TLE2: variants seen among roughly 807,000 people sequenced by gnomAD.
The protein encoded by TLE2 is transducin-like enhancer protein 2.
A neutral mutation model predicts 97.2 loss-of-function variants in TLE2; 74 were observed. The ratio of observed to expected loss-of-function variants is 0.76; its 90% CI spans 0.63 to 0.92. TLE2 has a LOEUF of 0.92. TLE2 is among the 40% of genes least tolerant of loss of function. The pLI, the probability that TLE2 is intolerant of heterozygous loss-of-function variation, is 0.00. For missense variants in TLE2, 1,038 were observed against 1,008.7 expected, an observed-to-expected ratio of 1.03 and a Z score of -0.39; for synonymous variants, 499 against 432.1, an observed-to-expected ratio of 1.15 and a Z score of -1.92.
intron 1 of TLE2, among the ~76,000 whole-genome samples, chr19:3,037,578 G>A (rs2090071729): frequency 6.6e-6 from 1 of 152,162 alleles, no homozygotes; most frequent in African/African-American, 2.4e-5. Context: ...ACTTTCGCAT[G>A]GGTCCTGAAG....
chr19:3,042,359 G>A (rs1431631090), intron 1 of TLE2, among the ~76,000 whole-genome samples: 2 of 129,264 alleles, frequency 1.5e-5, no homozygotes, highest in Admixed American at 1.5e-4. Flanking sequence ...GGGCGGAGGA[G>A]GGACGGGCTT....
intron 5 of TLE2, among the ~76,000 whole-genome samples, chr19:3,024,312 C>T (rs1599238968): frequency 6.6e-6 from 1 of 152,008 alleles, no homozygotes; most frequent in East Asian, 1.9e-4. Flanking sequence ...GGCCGAATTA[C>T]AGTCCATTTT....
chr19:3,029,562 G>GGT (rs1555694592), upstream of TLE2: 4 of 816,150 alleles, frequency 4.9e-6, no homozygotes, highest in Admixed American at 6.3e-5. Context: ...TGGGAGCGGG[G>GGT]GGGGGGGCTT....
rs975393809 is a variant in TLE2 at position 3,019,920 on chromosome 19, C to T, written c.295-147G>A. 9.1e-7 allele frequency: 1 copy of T among 1,103,960 alleles called. No homozygotes were observed. Among genetic ancestry groups the T allele is most frequent in the Non-Finnish European group, 1.3e-6 (1 of 790,522 alleles). The allele number at this position is 1,103,960 out of a possible 1,614,324, so 68.4% of individuals were successfully genotyped here. A position where few individuals can be genotyped will look rare whatever the true frequency, so the allele number is the denominator to read the frequency against. ...CTTTTATCTTTTTCCCTCTCACTCT[C>T]TCCCTTTCCTTTTGGAATTTTGAAA... is the stretch of plus-strand genomic sequence containing the variant. On this transcript the variant is annotated intron_variant, in intron 5 of 19. Coordinates refer to ENST00000262953, the MANE Select transcript of TLE2 (RefSeq NM_003260.5). This position sits in a 1 kb window ranked among gnomAD's most constrained non-coding sequence, Gnocchi z 5.1.
At chr19:3,017,954 G>GC in intron 7 of TLE2, 95 bp from the exon 8 acceptor site, 4 of 1,167,102 alleles carry the variant, frequency 3.4e-6, no homozygotes, top group Non-Finnish European at 4.9e-6. Context: ...AGTTTATAAA[G>GC]CCCCCCGCCC....
At chr19:3,022,610 C>A (rs2089866712) in intron 5 of TLE2, among the ~76,000 whole-genome samples, 1 of 151,978 alleles carries the variant, frequency 6.6e-6, no homozygotes, top group African/African-American at 2.4e-5. Flanking sequence ...AATGATCACA[C>A]GGGGCTGGTG....
At chr19:2,998,248 TG>T (rs1381875488) in intron 19 of TLE2, among the ~76,000 whole-genome samples, 21 of 110,046 alleles carry the variant, frequency 1.9e-4, no homozygotes, top group African/African-American at 1.3e-3. Flanking sequence ...TGTGTGTGTG[TG>T]TGTGTGTGTG....
intron 11 of TLE2, among the ~76,000 whole-genome samples, chr19:3,012,259 G>A (rs1271063304): frequency 7.5e-6 from 1 of 133,184 alleles, no homozygotes; most frequent in Non-Finnish European, 1.6e-5. Flanking sequence ...TCTCCAAAAC[G>A]AAAAACAAAC....
At chr19:3,012,528 T>C (rs10423211) in intron 11 of TLE2, among the ~76,000 whole-genome samples, 36,749 of 152,094 alleles carry the variant, frequency 0.24, 4,577 homozygotes, top group African/African-American at 0.27. Flanking sequence ...CTGTTGAGAT[T>C]CTTGAACAAC....
upstream of TLE2, among the ~76,000 whole-genome samples, chr19:3,033,981 G>A (rs113834616): frequency 2.0e-5 from 3 of 151,978 alleles, no homozygotes; most frequent in East Asian, 1.9e-4. Flanking sequence ...TTCAGTGACC[G>A]CCTCGTGAGG....
At chr19:3,000,823 C>CTT in intron 18 of TLE2, 100 bp from the exon 19 acceptor site, 4 of 651,012 alleles carry the variant, frequency 6.1e-6, no homozygotes, top group African/African-American at 5.9e-5. Context: ...CTGGCCTCTC[C>CTT]CTTTTTTTTT....
intron 18 of TLE2, 100 bp from the exon 19 acceptor site, chr19:3,000,823 C>T: frequency 3.1e-6 from 2 of 651,046 alleles, no homozygotes; most frequent in Non-Finnish European, 4.7e-6. Flanking sequence ...CTGGCCTCTC[C>T]CTTTTTTTTT....
Position 3,025,055 on chromosome 19 carries a change from T to G in TLE2, c.259A>C (p.Ile87Leu), listed in dbSNP as rs1338381627. ...AGGAAGGGGATAATCTGAGCGCAGA[T>G]ACCGCTCAGACGCTTCACAATCTCC... Reference protein sequence around the residue: ...QAEIVKRLSGICAQIIPFLTQ... With the variant: ...QAEIVKRLSGLCAQIIPFLTQ... The change falls in exon 5 of 20, where the codon ATC (isoleucine) becomes CTC (leucine). Residue 87 changes from isoleucine (I) to leucine (L), a missense_variant. Coordinates refer to ENST00000262953, the MANE Select transcript of TLE2 (RefSeq NM_003260.5). 1 of 1,605,244 alleles carries G rather than the reference T, an allele frequency of 6.2e-7. No individual in the cohort carries two copies.
At chr19:3,035,436 G>C (rs1360120643) in intron 1 of TLE2, among the ~76,000 whole-genome samples, 2 of 152,048 alleles carry the variant, frequency 1.3e-5, no homozygotes. Context: ...CTGCCAGAGG[G>C]GAAAAGGAGC....
chr19:3,032,872 G>A (rs1345867403), upstream of TLE2, among the ~76,000 whole-genome samples: 1 of 151,854 alleles, frequency 6.6e-6, no homozygotes, highest in African/African-American at 2.4e-5. This position sits in a 1 kb window ranked among gnomAD's most constrained non-coding sequence, Gnocchi z 4.1. Context: ...CCTGGACCTT[G>A]AGCATACATG....
chr19:3,032,706 A>G (rs948218323), upstream of TLE2, among the ~76,000 whole-genome samples: 2 of 152,008 alleles, frequency 1.3e-5, no homozygotes, highest in African/African-American at 4.8e-5. This position sits in a 1 kb window ranked among gnomAD's most constrained non-coding sequence, Gnocchi z 4.1. Context: ...ACCGCCGGCC[A>G]CACTCCCTGC....
chr19:3,022,090 A>C (rs1023762722), intron 5 of TLE2, among the ~76,000 whole-genome samples: 6 of 150,648 alleles, frequency 4.0e-5, no homozygotes, highest in South Asian at 2.1e-4. Flanking sequence ...ACTCTGTCGC[A>C]CAGGCTGGAA....
At chr19:3,021,113 AAGGG>A (rs2089831003) in intron 5 of TLE2, among the ~76,000 whole-genome samples, 2 of 65,344 alleles carry the variant, frequency 3.1e-5, no homozygotes, top group African/African-American at 1.1e-4. Context: ...AAAAAAAAAA[AAGGG>A]GGGGGGGTGC....
Position 3,019,167 on chromosome 19 carries a change from G to C in TLE2, c.550+116C>G. The C allele has an allele frequency of 7.1e-7, 1 of 1,414,630 alleles. No homozygotes were observed. 87.6% of individuals were successfully genotyped at this position (1,414,630 alleles called of 1,614,324 possible). On this transcript the variant is annotated intron_variant, in intron 7 of 19. Coordinates refer to ENST00000262953, the MANE Select transcript of TLE2 (RefSeq NM_003260.5). The surrounding 1 kb of genome is among the most constrained non-coding windows in gnomAD (Gnocchi z 5.1). Reference sequence around the variant, plus strand: ...CCCGCCTCGGCCTCCCAAATTGTTGGGATTATAGGCATGAGCCACTTCATC... The same window carrying C: ...CCCGCCTCGGCCTCCCAAATTGTTGCGATTATAGGCATGAGCCACTTCATC...
Sources: allele counts gnomAD v4.1 joint callset (sites outside exome capture counted in the v4.1 genomes callset), GRCh38; gene constraint gnomAD v4.1.1; non-coding constraint Gnocchi (gnomAD v3.1); transcripts MANE v1.5; gene names NCBI Gene and HGNC (gene_info 2026-07-23, HGNC 2026-07-21).